RANBP2: variants seen among roughly 807,000 people sequenced by gnomAD.
RANBP2 encodes E3 SUMO-protein ligase RanBP2.
A neutral mutation model predicts 303.6 loss-of-function variants in RANBP2; 57 were observed. The observed-to-expected ratio is 0.19, with a 90% CI of 0.15 to 0.23. The LOEUF (loss-of-function observed/expected upper bound fraction) is 0.23. RANBP2 is among the 10% of genes least tolerant of loss of function. RANBP2 has a pLI of 1.00. For synonymous variants in RANBP2, 1,167 were observed against 1,301.5 expected (o/e 0.90, Z 2.23); for missense variants, 3,138 against 3,780.8 (o/e 0.83, Z 4.46).
the RANBP2 span, among the ~76,000 whole-genome samples, chr2:109,244,924 G>A: frequency 3.3e-5 from 5 of 152,206 alleles, no homozygotes; most frequent in African/African-American, 7.2e-5. Flanking sequence ...AAAGTTGGCT[G>A]GCCCTGAGCT....
chr2:109,761,532 T>G, the RANBP2 span, among the ~76,000 whole-genome samples: 23 of 148,618 alleles, frequency 1.5e-4, no homozygotes, highest in Middle Eastern at 6.8e-3. Flanking sequence ...GATCTCACAC[T>G]GGGGAGCTGC....
chr2:109,237,965 G>T, the RANBP2 span, among the ~76,000 whole-genome samples: 1 of 152,168 alleles, frequency 6.6e-6, no homozygotes, highest in African/African-American at 2.4e-5. Flanking sequence ...CCACGCAATG[G>T]CTCATGCTTG....
chr2:109,537,034 C>T, the RANBP2 span, among the ~76,000 whole-genome samples: 2 of 152,196 alleles, frequency 1.3e-5, no homozygotes, highest in African/African-American at 2.4e-5. Flanking sequence ...TTATCAGCAG[C>T]GTGAAAACAG....
the RANBP2 span, chr2:109,128,841 G>A: frequency 4.1e-6 from 1 of 244,490 alleles, no homozygotes; most frequent in South Asian, 3.4e-5. Flanking sequence ...GCCTGCGCAG[G>A]AGAGGTTCCC....
the RANBP2 span, among the ~76,000 whole-genome samples, chr2:109,241,835 G>A: frequency 2.6e-5 from 4 of 151,024 alleles, no homozygotes; most frequent in Non-Finnish European, 4.4e-5. Flanking sequence ...GTGCGATCTC[G>A]GCTCACTGCA....
the RANBP2 span, among the ~76,000 whole-genome samples, chr2:109,340,457 T>A: frequency 6.6e-6 from 1 of 152,186 alleles, no homozygotes; most frequent in African/African-American, 2.4e-5. Context: ...CCAAGGACCA[T>A]GCATTGGTTC....
the RANBP2 span, among the ~76,000 whole-genome samples, chr2:109,176,598 GT>G: frequency 4.1e-4 from 63 of 152,274 alleles, no homozygotes; most frequent in Non-Finnish European, 7.6e-4. Context: ...TTAGCCAGGT[GT>G]GGTGGCACAT....
chr2:109,395,575 A>G, the RANBP2 span, among the ~76,000 whole-genome samples: 1 of 152,220 alleles, frequency 6.6e-6, no homozygotes, highest in African/African-American at 2.4e-5. Context: ...CTTCACTTTC[A>G]GCACCGGCCT....
the RANBP2 span, among the ~76,000 whole-genome samples, chr2:109,221,751 A>G: frequency 6.6e-6 from 1 of 152,274 alleles, no homozygotes; most frequent in East Asian, 1.9e-4. Flanking sequence ...CACATATACT[A>G]TTGGTGGGAA....
intron 1 of RANBP2, among the ~76,000 whole-genome samples, chr2:108,725,541 C>T (rs892045673): frequency 3.0e-4 from 45 of 152,280 alleles, no homozygotes; most frequent in African/African-American, 9.9e-4. Flanking sequence ...GAAGTCAGAT[C>T]ACAAGGTCAA....
the RANBP2 span, among the ~76,000 whole-genome samples, chr2:109,372,948 G>A: frequency 6.6e-6 from 1 of 152,194 alleles, no homozygotes. Flanking sequence ...AAGTCCAAAT[G>A]CTTTAGCTTA....
the RANBP2 span, among the ~76,000 whole-genome samples, chr2:109,406,413 T>C: frequency 7.9e-5 from 12 of 152,086 alleles, no homozygotes; most frequent in African/African-American, 2.7e-4. Context: ...GGTCCATCAC[T>C]GAGAGCAGCT....
At chr2:109,468,546 G>A in the RANBP2 span, among the ~76,000 whole-genome samples, 3 of 152,096 alleles carry the variant, frequency 2.0e-5, no homozygotes, top group Non-Finnish European at 4.4e-5. Flanking sequence ...CACAAACGAT[G>A]ACCAGTCAGG....
At chr2:108,861,472 CTTTTTTTTTTTTT>C in the RANBP2 span, among the ~76,000 whole-genome samples, 252 of 123,478 alleles carry the variant, frequency 2.0e-3, 2 homozygotes, top group East Asian at 8.4e-3. Context: ...AACTTTCTTC[CTTTTTTTTTTTTT>C]TTTTTTTTTT....
At chr2:108,744,335 C>G (rs891634445) in intron 7 of RANBP2, among the ~76,000 whole-genome samples, 1 of 151,450 alleles carries the variant, frequency 6.6e-6, no homozygotes, top group Non-Finnish European at 1.5e-5. Flanking sequence ...AACCAGGAGG[C>G]GGAGGTTGCA....
chr2:109,065,986 G>A, the RANBP2 span, among the ~76,000 whole-genome samples: 1 of 152,196 alleles, frequency 6.6e-6, no homozygotes, highest in Non-Finnish European at 1.5e-5. Flanking sequence ...TGCCCAGGCT[G>A]GAGTGCAATG....
chr2:109,211,648 CT>C, the RANBP2 span, among the ~76,000 whole-genome samples: 545 of 142,472 alleles, frequency 3.8e-3, 3 homozygotes, highest in African/African-American at 9.7e-3. Flanking sequence ...GCATTTCTTT[CT>C]TTTTTTTTTT....
chr2:109,104,126 G>A, the RANBP2 span, among the ~76,000 whole-genome samples: 2 of 152,236 alleles, frequency 1.3e-5, no homozygotes, highest in East Asian at 3.9e-4. Context: ...TTTCCCACAA[G>A]AGACAGCTTT....
At chr2:108,793,034 AGTCTGGGCGACAGAGAGACTCT>A in the RANBP2 span, among the ~76,000 whole-genome samples, 1 of 149,028 alleles carries the variant, frequency 6.7e-6, no homozygotes, top group African/African-American at 2.5e-5. Flanking sequence ...ACTGCACTCC[AGTCTGGGCGACAGAGAGACTCT>A]GTCTCAAAAA....
Sources: gnomAD v4.1 joint callset for allele counts (sites outside exome capture counted in the v4.1 genomes callset) on GRCh38, gnomAD v4.1.1 for gene constraint, MANE v1.5 for transcripts, NCBI Gene and HGNC (gene_info 2026-07-23, HGNC 2026-07-21) for gene names.